The following SMAD5 variants were observed in gnomAD, a reference collection of about 807,000 sequenced individuals.
SMAD5 encodes the protein SMAD family member 5, also known as MAD, mothers against decapentaplegic homolog 5.
Under a neutral mutation model 43.1 loss-of-function variants are expected in SMAD5, and 9 were observed. The ratio of observed to expected loss-of-function variants is 0.21; its 90% CI spans 0.13 to 0.36. The LOEUF is 0.36. SMAD5 is among the 10% of genes least tolerant of loss of function. SMAD5 has a pLI of 1.00. For missense variants in SMAD5, 348 were observed against 574.0 expected (o/e 0.61, Z 4.02); for synonymous variants, 190 against 192.4 (o/e 0.99, Z 0.10).
intron 2 of SMAD5, among the ~76,000 whole-genome samples, chr5:136,149,907 A>G (rs187634962): frequency 1.3e-5 from 2 of 151,960 alleles, no homozygotes; most frequent in East Asian, 3.9e-4. Flanking sequence ...ACTGACACCT[A>G]TTGTTCTTTT....
At chr5:136,157,475 T>C (rs1269064858) in intron 3 of SMAD5, among the ~76,000 whole-genome samples, 1 of 152,166 alleles carries the variant, frequency 6.6e-6, no homozygotes, top group African/African-American at 2.4e-5. Context: ...CATTGTAATA[T>C]GTAATGAAAT....
intron 2 of SMAD5, chr5:136,152,747 CTG>C (rs918696166): frequency 2.6e-5 from 4 of 152,368 alleles, no homozygotes; most frequent in African/African-American, 9.6e-5. Context: ...TCCCGAATAA[CTG>C]GGATTACAGG....
At chr5:136,160,182 T>C (rs535674691) in intron 3 of SMAD5, among the ~76,000 whole-genome samples, 4 of 152,336 alleles carry the variant, frequency 2.6e-5, no homozygotes, top group Admixed American at 2.6e-4. Flanking sequence ...AGAAGACTGA[T>C]TTTGATTGGA....
At chr5:136,136,670 T>G (rs969870143) in intron 1 of SMAD5, among the ~76,000 whole-genome samples, 16 of 152,092 alleles carry the variant, frequency 1.1e-4, no homozygotes, top group African/African-American at 3.9e-4. Flanking sequence ...AATTACAGAG[T>G]TCTTAGGTTT....
At chr5:136,168,738 C>T (rs1754107308) in intron 5 of SMAD5, among the ~76,000 whole-genome samples, 1 of 152,214 alleles carries the variant, frequency 6.6e-6, no homozygotes, top group African/African-American at 2.4e-5. Context: ...TTCCCCACAA[C>T]CCCTTGCAAC....
At chr5:136,156,487 A>G (rs1293254366) in intron 3 of SMAD5, among the ~76,000 whole-genome samples, 1 of 152,246 alleles carries the variant, frequency 6.6e-6, no homozygotes, top group Non-Finnish European at 1.5e-5. Flanking sequence ...AGCAGATAGC[A>G]GTGATTATGC....
In SMAD5 at chr5:136,179,562, G is replaced by A. The variant is rs1163117519; in HGVS notation, c.*2082G>A. 6.6e-6 allele frequency: 1 copy of A among 152,208 alleles called. No individual in the cohort carries two copies. The highest frequency in any genetic ancestry group is 6.5e-5 in the Admixed American group (1 of 15,270). 9.4% of individuals were successfully genotyped at this position (152,208 alleles called of 1,614,324 possible). On this transcript the variant is annotated 3_prime_UTR_variant, in exon 8 of 8. Transcript: ENST00000545279. ...TTTTTCAATGTGCAGCCAGTGGATG[G>A]TTTTAGTTCTTTCAGATGAACTGCC...
At chr5:136,139,377 T>G (rs1752995796) in intron 1 of SMAD5, among the ~76,000 whole-genome samples, 1 of 152,182 alleles carries the variant, frequency 6.6e-6, no homozygotes, top group Middle Eastern at 3.2e-3. Context: ...TGTATAAAAC[T>G]TAACCCTGAA....
At chr5:136,146,517 G>A (rs1753261275) in intron 1 of SMAD5, among the ~76,000 whole-genome samples, 1 of 151,662 alleles carries the variant, frequency 6.6e-6, no homozygotes, top group Non-Finnish European at 1.5e-5. Flanking sequence ...ATGTTCAGAG[G>A]TATTGCAGGT....
At chr5:136,175,039 C>T (rs146273597) in intron 7 of SMAD5, among the ~76,000 whole-genome samples, 2 of 151,104 alleles carry the variant, frequency 1.3e-5, no homozygotes, top group East Asian at 2.0e-4. Context: ...ACAATCATGG[C>T]GGAAGGTGAA....
intron 6 of SMAD5, among the ~76,000 whole-genome samples, chr5:136,173,358 A>G (rs1464588956): frequency 6.6e-6 from 1 of 152,006 alleles, no homozygotes; most frequent in Non-Finnish European, 1.5e-5. Context: ...TTTTGTTTTT[A>G]CCCCTTGCTG....
chr5:136,150,997 G>C (rs1035042102), intron 2 of SMAD5, among the ~76,000 whole-genome samples: 9 of 152,004 alleles, frequency 5.9e-5, no homozygotes, highest in African/African-American at 1.7e-4. Context: ...ACTGAGTCTG[G>C]TGTGTTTCAT....
Position 136,163,298 on chromosome 5 carries a change from C to G in SMAD5, c.682C>G (p.Pro228Ala). The G allele has an allele frequency of 6.2e-7, 1 of 1,610,076 alleles. No homozygotes were observed. Among genetic ancestry groups the G allele is most frequent in the Non-Finnish European group, 8.5e-7 (1 of 1,177,606 alleles). ...TGATACGCCTCCTCCTGCCTATATG[C>G]CACCTGATGATCAGATGGGTCAAGA... is the stretch of plus-strand genomic sequence containing the variant. ...PADTPPPAYM[P>A]PDDQMGQDNS... The change falls in exon 5 of 8, where the codon CCA (proline) becomes GCA (alanine). Residue 228 changes from proline to alanine, a missense_variant. Pro to Ala is a conservative substitution (Grantham distance 27, BLOSUM62 -1). This residue lies in a region of SMAD5 where 185 missense variants were observed against 207.0 expected (regional missense o/e 0.89). Transcript: ENST00000545279.
intron 3 of SMAD5, among the ~76,000 whole-genome samples, chr5:136,160,083 C>A (rs1025893069): frequency 2.0e-5 from 3 of 151,976 alleles, no homozygotes; most frequent in South Asian, 2.1e-4. Context: ...TTAGAGAAAG[C>A]GAATATTTGA....
intron 3 of SMAD5, 83 bp downstream of exon 3, chr5:136,154,246 AT>A: frequency 1.2e-6 from 1 of 838,726 alleles, no homozygotes; most frequent in Non-Finnish European, 1.7e-6. Context: ...AGATTTAGTA[AT>A]GAAAAGGTTG....
intron 3 of SMAD5, among the ~76,000 whole-genome samples, chr5:136,158,624 G>T (rs1459411029): frequency 6.6e-6 from 1 of 152,178 alleles, no homozygotes; most frequent in Non-Finnish European, 1.5e-5. Flanking sequence ...TCTGGGCCTG[G>T]CACGGTGGCT....
intron 1 of SMAD5, among the ~76,000 whole-genome samples, chr5:136,144,290 G>A (rs1753187946): frequency 6.6e-6 from 1 of 152,006 alleles, no homozygotes; most frequent in Non-Finnish European, 1.5e-5. Context: ...TGATGCTCAT[G>A]GTTAGCCTGT....
chr5:136,163,151 T>G, intron 4 of SMAD5, 121 bp from the exon 5 acceptor site: 1 of 773,910 alleles, frequency 1.3e-6, no homozygotes, highest in East Asian at 2.9e-5. Context: ...GTATCCTACA[T>G]TTTTTTGTGT....
At chr5:136,151,719 A>G (rs6596289) in intron 2 of SMAD5, among the ~76,000 whole-genome samples, 54,751 of 151,772 alleles carry the variant, frequency 0.36, 10,855 homozygotes, top group African/African-American at 0.54. Flanking sequence ...GCCCCCCATT[A>G]TATTCTAGTG....
Sources: gnomAD v4.1 joint callset for allele counts (sites outside exome capture counted in the v4.1 genomes callset) on GRCh38, gnomAD v4.1.1 for gene constraint, gnomAD v4.1.1 regional missense constraint, MANE v1.5 for transcripts, NCBI Gene and HGNC (gene_info 2026-07-23, HGNC 2026-07-21) for gene names.